The following STX11 variants were observed in gnomAD, a reference collection of about 807,000 sequenced individuals.
The protein encoded by STX11 is syntaxin 11.
A neutral mutation model predicts 19.9 loss-of-function variants in STX11; 21 were observed. That is an observed-to-expected ratio of 1.06 (90% CI 0.75 to 1.52). STX11 has a LOEUF of 1.52. Ranked by LOEUF, STX11 falls within the 40% of genes most tolerant of loss-of-function variation. STX11 has a pLI of 0.00. For missense variants in STX11, 438 were observed against 405.9 expected (o/e 1.08, Z -0.68); for synonymous variants, 193 against 174.4 (o/e 1.11, Z -0.84).
At position 144,172,771 on chromosome 6, in the gene STX11, T is replaced by C. The variant is rs778821129; in HGVS notation, c.-5-13852T>C. On this transcript the variant is annotated intron_variant, in intron 1 of 1. Transcript: ENST00000367568. The surrounding 1 kb of genome is among the most constrained non-coding windows in gnomAD (Gnocchi z 4.2). ...ACAGTTCAGACTCCTCAGAGATAGC[T>C]CTTCTTATGCTGATCCTCTTGATCC... Among the ~76,000 whole-genome samples the C allele has an allele frequency of 6.6e-6, 1 of 152,078 alleles. No homozygotes were observed. The highest frequency in any genetic ancestry group is 1.5e-5 in the Non-Finnish European group (1 of 68,002).
rs1801879336 is a variant in STX11 at position 144,180,360 on chromosome 6, T to C, written c.-5-6263T>C. Among the ~76,000 whole-genome samples the C allele has an allele frequency of 6.6e-6, 1 of 152,190 alleles. No individual in the cohort carries two copies. The highest frequency in any genetic ancestry group is 1.5e-5 in the Non-Finnish European group (1 of 68,038). On this transcript the variant is annotated intron_variant, in intron 1 of 1. Coordinates refer to ENST00000367568, the MANE Select transcript of STX11 (RefSeq NM_003764.4). This position sits in a 1 kb window ranked among gnomAD's most constrained non-coding sequence, Gnocchi z 5.3. ...ATCCAGTGTCTTGGTTATTTATGTG[T>C]GATATGGTTTGGCTGTGTCCCCACC...
the STX11 span, among the ~76,000 whole-genome samples, chr6:144,140,299 G>A: frequency 7.0e-6 from 1 of 142,264 alleles, no homozygotes; most frequent in South Asian, 2.3e-4. Flanking sequence ...CTGTCACCCA[G>A]GCTGGAGTGC....
intron 1 of STX11, among the ~76,000 whole-genome samples, chr6:144,171,524 A>T (rs1801634603): frequency 1.3e-5 from 2 of 152,204 alleles, no homozygotes; most frequent in South Asian, 4.1e-4. Flanking sequence ...ACTTCCATTT[A>T]AAAACTGGCT....
rs189244916 is a variant in STX11 at position 144,160,618 on chromosome 6, T to A, written c.-6+9915T>A. Among the ~76,000 whole-genome samples the A allele has an allele frequency of 6.4e-4, 98 of 152,268 alleles. 2 individuals are homozygous for A. The highest frequency in any genetic ancestry group is 2.9e-3 in the Admixed American group (45 of 15,304). On this transcript the variant is annotated intron_variant, in intron 1 of 1. Coordinates refer to ENST00000367568, the MANE Select transcript of STX11 (RefSeq NM_003764.4). The surrounding 1 kb of genome is among the most constrained non-coding windows in gnomAD (Gnocchi z 4.3). The stretch of plus-strand genomic sequence containing the variant: ...ACCTATGAACCTCTACATTAAGTAC[T>A]AAGAATACCAAACATTTGGCTGATT...
In STX11 at chr6:144,155,976, TTCTTTCTTTC is replaced by T. The variant is rs1296085033; in HGVS notation, c.-6+5275_-6+5284del. On this transcript the variant is annotated intron_variant, in intron 1 of 1. Transcript: ENST00000367568. This position sits in a 1 kb window ranked among gnomAD's most constrained non-coding sequence, Gnocchi z 4.5. Reference sequence around the variant, plus strand: ...TTTCTTTCTTTCTTTCTTTCTTTCTTTCTTTCTTTCTTTCTTTCTTTCTTTCTTTCTTTCT... The same window carrying T: ...TTTCTTTCTTTCTTTCTTTCTTTCTTTTTCTTTCTTTCTTTCTTTCTTTCT... Among the ~76,000 whole-genome samples, 2 of 132,072 alleles carry T rather than the reference TTCTTTCTTTC, an allele frequency of 1.5e-5. No homozygotes were observed. Among genetic ancestry groups the T allele is most frequent in the Non-Finnish European group, 3.0e-5 (2 of 66,650 alleles). The allele number at this position is 132,072 out of a possible 152,430, so 86.6% of individuals were successfully genotyped here. A position where few individuals can be genotyped will look rare whatever the true frequency, so the allele number is the denominator to read the frequency against.
rs1269276540 is a variant in STX11, at chr6:144,165,670, C to G, written c.-6+14967C>G. On this transcript the variant is annotated intron_variant, in intron 1 of 1. Transcript: ENST00000367568. The surrounding 1 kb of genome is among the most constrained non-coding windows in gnomAD (Gnocchi z 5.8). ...TTGGTTTTATAGAATCATTTTAGAT[C>G]GTATCATCTGCACATGCTTCCAAAG... Among the ~76,000 whole-genome samples the G allele has an allele frequency of 6.6e-6, 1 of 152,084 alleles. No homozygotes were observed. Among genetic ancestry groups the G allele is most frequent in the Non-Finnish European group, 1.5e-5 (1 of 68,008 alleles).
At chr6:144,186,306 T>TA (rs1161306825) in intron 1 of STX11, among the ~76,000 whole-genome samples, 2 of 138,796 alleles carry the variant, frequency 1.4e-5, no homozygotes, top group Non-Finnish European at 3.0e-5. Context: ...CCCTAGAACT[T>TA]AAAGTATAAT....
intron 1 of STX11, among the ~76,000 whole-genome samples, chr6:144,178,803 C>T (rs549791366): frequency 2.6e-5 from 4 of 151,974 alleles, no homozygotes; most frequent in East Asian, 3.9e-4. Flanking sequence ...ATATTAAATG[C>T]GTTCTTGCCC....
At position 144,189,277 on chromosome 6, in the gene STX11, C is replaced by A. The variant is rs1447354213; in HGVS notation, c.*1786C>A. On this transcript the variant is annotated 3_prime_UTR_variant, in exon 2 of 2. Coordinates refer to ENST00000367568, the MANE Select transcript of STX11 (RefSeq NM_003764.4). Reference sequence around the variant, plus strand: ...GCTTGAGCAATCCGCCCACCTTGGCCTCCCAAAGTGCTGAGATTACAGGCC... The same window carrying A: ...GCTTGAGCAATCCGCCCACCTTGGCATCCCAAAGTGCTGAGATTACAGGCC... 6.6e-6 allele frequency among the ~76,000 whole-genome samples: 1 copy of A among 152,210 alleles called. No individual in the cohort carries two copies. The highest frequency in any genetic ancestry group is 1.5e-5 in the Non-Finnish European group (1 of 68,036).
Position 144,188,036 on chromosome 6 carries a change from T to C in STX11, c.*545T>C, listed in dbSNP as rs1490232919. The C allele has an allele frequency of 8.1e-6, 2 of 246,876 alleles. No individual in the cohort carries two copies. The highest frequency in any genetic ancestry group is 1.7e-4 in the South Asian group (1 of 5,772). The allele number at this position is 246,876 out of a possible 1,614,324, so 15.3% of individuals were successfully genotyped here. ...CCTCCCCAAATATAGATCTTATTTC[T>C]GCTCATTTCCCCTACTTATTAAAAT... On this transcript the variant is annotated 3_prime_UTR_variant, in exon 2 of 2. Transcript: ENST00000367568.
At position 144,188,900 on chromosome 6, in the gene STX11, A is replaced by G. The variant is rs1456101137; in HGVS notation, c.*1409A>G. Among the ~76,000 whole-genome samples, 1 of 151,496 alleles carries G rather than the reference A, an allele frequency of 6.6e-6. No homozygotes were observed. Among genetic ancestry groups the G allele is most frequent in the Non-Finnish European group, 1.5e-5 (1 of 67,886 alleles). On this transcript the variant is annotated 3_prime_UTR_variant, in exon 2 of 2. Transcript: ENST00000367568. ...TGCCACAATGTCTGGCTAATTTTTT[A>G]TGTTTTTAGTAAAGACGGTGTTTCA...
At position 144,155,394 on chromosome 6, in the gene STX11, T is replaced by G. The variant is rs1485664119; in HGVS notation, c.-6+4691T>G. On this transcript the variant is annotated intron_variant, in intron 1 of 1. Coordinates refer to ENST00000367568, the MANE Select transcript of STX11 (RefSeq NM_003764.4). The surrounding 1 kb of genome is among the most constrained non-coding windows in gnomAD (Gnocchi z 4.5). Reference sequence around the variant, plus strand: ...TCTAAAGCTTGAAGTTTTAAAATAGTTTCTCCACACATGCATTGAATGTTT... The same window carrying G: ...TCTAAAGCTTGAAGTTTTAAAATAGGTTCTCCACACATGCATTGAATGTTT... Among the ~76,000 whole-genome samples, 1 of 152,168 alleles carries G rather than the reference T, an allele frequency of 6.6e-6. No homozygotes were observed. Among genetic ancestry groups the G allele is most frequent in the East Asian group, 1.9e-4 (1 of 5,194 alleles).
At chr6:144,163,585 C>A (rs1429278096) in intron 1 of STX11, among the ~76,000 whole-genome samples, 2 of 152,048 alleles carry the variant, frequency 1.3e-5, no homozygotes, top group Non-Finnish European at 2.9e-5. Flanking sequence ...TCAAGTGATT[C>A]TCCCTGCCTC....
At chr6:144,140,657 A>C in the STX11 span, 10 of 710,326 alleles carry the variant, frequency 1.4e-5, no homozygotes, top group Middle Eastern at 7.1e-4. Flanking sequence ...TGGTCTGTGA[A>C]CTCACAGAAA....
chr6:144,187,065 C>T lies in STX11; in HGVS notation c.438C>T (p.Tyr146=), dbSNP rs766383467. The part of the protein sequence containing the change: ...TLTFQRAMHD[Y]NQAEMKQRDN... ...CCTTCCAGCGCGCCATGCACGACTACAACCAGGCCGAGATGAAGCAGCGCG... is the reference window on the plus strand; with the variant it reads ...CCTTCCAGCGCGCCATGCACGACTATAACCAGGCCGAGATGAAGCAGCGCG... The change falls in exon 2 of 2, where the codon TAC becomes TAT. Residue 146 remains tyrosine (Y), a synonymous_variant. Transcript: ENST00000367568. This position sits in a 1 kb window ranked among gnomAD's most constrained non-coding sequence, Gnocchi z 5.6. 1 of 1,613,456 alleles carries T rather than the reference C, an allele frequency of 6.2e-7. No homozygotes were observed. Among genetic ancestry groups the T allele is most frequent in the South Asian group, 1.1e-5 (1 of 91,090 alleles).
chr6:144,172,082 G>C lies in STX11; in HGVS notation c.-5-14541G>C, dbSNP rs1288230978. ...ATCCATGATTCACAGCAGCCTCCAT[G>C]TCTTCTTTAAAGAAGAATACACCTT... On this transcript the variant is annotated intron_variant, in intron 1 of 1. Transcript: ENST00000367568. The surrounding 1 kb of genome is among the most constrained non-coding windows in gnomAD (Gnocchi z 4.2). 6.6e-6 allele frequency among the ~76,000 whole-genome samples: 1 copy of C among 152,124 alleles called. No homozygotes were observed. Among genetic ancestry groups the C allele is most frequent in the Non-Finnish European group, 1.5e-5 (1 of 68,024 alleles).
At position 144,184,779 on chromosome 6, in the gene STX11, G is replaced by A. The variant is rs149034164; in HGVS notation, c.-5-1844G>A. Among the ~76,000 whole-genome samples, 281 of 152,238 alleles carry A rather than the reference G, an allele frequency of 1.8e-3. No individual in the cohort carries two copies. Among genetic ancestry groups the A allele is most frequent in the African/African-American group, 6.0e-3 (250 of 41,528 alleles). ...AAAATATCAGGCATATATAACATAC[G>A]TTTATGTTCTCTGTCATTTACATCT... On this transcript the variant is annotated intron_variant, in intron 1 of 1. Coordinates refer to ENST00000367568, the MANE Select transcript of STX11 (RefSeq NM_003764.4). The surrounding 1 kb of genome is among the most constrained non-coding windows in gnomAD (Gnocchi z 6.5).
chr6:144,148,500 A>C (rs1241390240), upstream of STX11, among the ~76,000 whole-genome samples: 1 of 152,064 alleles, frequency 6.6e-6, no homozygotes, highest in East Asian at 1.9e-4. Flanking sequence ...TTACAGAACA[A>C]CTGCAAAGGT....
chr6:144,141,971 T>C, the STX11 span, among the ~76,000 whole-genome samples: 1 of 151,932 alleles, frequency 6.6e-6, no homozygotes, highest in Non-Finnish European at 1.5e-5. Context: ...CGAGAGCCAC[T>C]GCGCCCGGCC....
Sources: allele counts gnomAD v4.1 joint callset (sites outside exome capture counted in the v4.1 genomes callset), GRCh38; gene constraint gnomAD v4.1.1; non-coding constraint Gnocchi (gnomAD v3.1); transcripts MANE v1.5; gene names NCBI Gene and HGNC (gene_info 2026-07-23, HGNC 2026-07-21).